Variants in MMD2 observed in about 807,000 individuals in gnomAD.
The protein encoded by MMD2 is monocyte to macrophage differentiation associated 2, also known as monocyte to macrophage differentiation factor 2.
A neutral mutation model predicts 33.5 loss-of-function variants in MMD2; 30 were observed. The ratio of observed to expected loss-of-function variants is 0.90; its 90% CI spans 0.67 to 1.22. The LOEUF (loss-of-function observed/expected upper bound fraction) is 1.22, where lower values mean the gene tolerates loss of function less well. Ranked by LOEUF, MMD2 falls within the 50% of genes most tolerant of loss-of-function variation. The probability of loss-of-function intolerance (pLI) is 0.00; values close to 1 mark genes in which losing one functional copy is unlikely to be tolerated. For missense variants in MMD2, 364 were observed against 325.4 expected (o/e 1.12, Z -0.91); for synonymous variants, 129 against 123.0 (o/e 1.05, Z -0.32).
chr7:4,941,339 GAC>G (rs1246324367), intron 1 of MMD2, among the ~76,000 whole-genome samples: 1 of 152,158 alleles, frequency 6.6e-6, no homozygotes, highest in Non-Finnish European at 1.5e-5. Context: ...GCAGAAAAAG[GAC>G]ACTTCTGACC....
chr7:4,932,649 GTTTTGC>G (rs1168447912), intron 1 of MMD2, among the ~76,000 whole-genome samples: 47 of 147,630 alleles, frequency 3.2e-4, no homozygotes, highest in African/African-American at 1.1e-3. Flanking sequence ...TTGAGAAGGA[GTTTTGC>G]TCTGTCGCCC....
intron 6 of MMD2, among the ~76,000 whole-genome samples, chr7:4,908,017 C>G (rs1784907051): frequency 6.6e-6 from 1 of 151,874 alleles, no homozygotes; most frequent in Non-Finnish European, 1.5e-5. Flanking sequence ...ACTATATTGC[C>G]CAGGCTGGTC....
At position 4,906,426 on chromosome 7, in the gene MMD2, G is replaced by C. The variant is rs576662854; in HGVS notation, c.*970C>G. The C allele has an allele frequency of 1.8e-5, 7 of 398,596 alleles. No homozygotes were observed. The highest frequency in any genetic ancestry group is 6.2e-5 in the African/African-American group (3 of 48,756). The allele number at this position is 398,596 out of a possible 1,614,324, so 24.7% of individuals were successfully genotyped here. A position where few individuals can be genotyped will look rare whatever the true frequency, so the allele number is the denominator to read the frequency against. ...TAACAGCCACTGATTGGCACCAAGA[G>C]AGAATCCAAATGTTGGCATCACAAA... On this transcript the variant is annotated 3_prime_UTR_variant, in exon 7 of 7. Transcript: ENST00000401401.
At chr7:4,911,402 C>T (rs1337546960) in intron 4 of MMD2, among the ~76,000 whole-genome samples, 156 bp from the exon 5 acceptor site, 2 of 152,108 alleles carry the variant, frequency 1.3e-5, no homozygotes, top group Non-Finnish European at 2.9e-5. Flanking sequence ...GACGGGTGAA[C>T]AGGCAGAAAG....
At position 4,945,227 on chromosome 7, in the gene MMD2, C is replaced by CTTCTTCTTCTTCT. The variant is rs1325145697; in HGVS notation, c.47+13743_47+13744insAGAAGAAGAAGAA. The stretch of plus-strand genomic sequence containing the variant: ...TCTTCTTCTTCTTCTTCTTCTTCTT[C>CTTCTTCTTCTTCT]TTCTTCTTCTTCCTCTCTCTCTTTC... On this transcript the variant is annotated intron_variant, in intron 1 of 6. Coordinates refer to ENST00000401401, the MANE Select transcript of MMD2 (RefSeq NM_198403.4). Among the ~76,000 whole-genome samples the CTTCTTCTTCTTCT allele has an allele frequency of 4.1e-5, 6 of 144,598 alleles. No homozygotes were observed. The Admixed American group carries it at 4.3e-4, about 10-fold the overall frequency. The allele number at this position is 144,598 out of a possible 152,430, so 94.9% of individuals were successfully genotyped here. A position where few individuals can be genotyped will look rare whatever the true frequency, so the allele number is the denominator to read the frequency against.
In MMD2 at chr7:4,946,122, C is replaced by G. The variant is rs969190475; in HGVS notation, c.47+12849G>C. Among the ~76,000 whole-genome samples, 1 of 151,634 alleles carries G rather than the reference C, an allele frequency of 6.6e-6. No individual in the cohort carries two copies. The highest frequency in any genetic ancestry group is 1.5e-5 in the Non-Finnish European group (1 of 67,870). On this transcript the variant is annotated intron_variant, in intron 1 of 6. Transcript: ENST00000401401. This position sits in a 1 kb window ranked among gnomAD's most constrained non-coding sequence, Gnocchi z 5.0. ...ACGCATGCACACGCGCACACGCACG[C>G]ACACACCTGCACACGCACGCACACC... is the stretch of plus-strand genomic sequence containing the variant.
chr7:4,957,406 T>TG (rs1483076746), intron 1 of MMD2, among the ~76,000 whole-genome samples: 1 of 151,454 alleles, frequency 6.6e-6, no homozygotes, highest in Non-Finnish European at 1.5e-5. Context: ...CCCAGCACTT[T>TG]GGGAGGCCGA....
chr7:4,951,048 G>A (rs1786228811), intron 1 of MMD2, among the ~76,000 whole-genome samples: 1 of 151,974 alleles, frequency 6.6e-6, no homozygotes, highest in Admixed American at 6.6e-5. Context: ...GCATAAGAGA[G>A]TGCCCTGAAG....
chr7:4,931,253 C>G (rs1249157390), intron 1 of MMD2, among the ~76,000 whole-genome samples: 1 of 152,168 alleles, frequency 6.6e-6, no homozygotes, highest in Admixed American at 6.6e-5. Flanking sequence ...TCGAGCAATC[C>G]TCCCACCTCA....
chr7:4,946,078 CGCACACGCACGCACACACACGCAT>C lies in MMD2; in HGVS notation c.47+12869_47+12892del, dbSNP rs2115151016. Among the ~76,000 whole-genome samples the C allele has an allele frequency of 6.6e-6, 1 of 151,778 alleles. No homozygotes were observed. The highest frequency in any genetic ancestry group is 2.1e-4 in the South Asian group (1 of 4,800). Reference sequence around the variant, plus strand: ...GGCAAAATGCACACACTCACACGCACGCACACGCACGCACACACACGCATGCACACGCGCACACGCACGCACACA... The same window carrying C: ...GGCAAAATGCACACACTCACACGCACGCACACGCGCACACGCACGCACACA... On this transcript the variant is annotated intron_variant, in intron 1 of 6. Coordinates refer to ENST00000401401, the MANE Select transcript of MMD2 (RefSeq NM_198403.4). This position sits in a 1 kb window ranked among gnomAD's most constrained non-coding sequence, Gnocchi z 5.0.
chr7:4,947,194 C>T (rs1786111614), intron 1 of MMD2, among the ~76,000 whole-genome samples: 1 of 151,768 alleles, frequency 6.6e-6, no homozygotes, highest in Non-Finnish European at 1.5e-5. Context: ...GGTGACAGAG[C>T]AAGACTCCGT....
chr7:4,908,896 C>CAA (rs765437583), intron 6 of MMD2, among the ~76,000 whole-genome samples: 5 of 75,656 alleles, frequency 6.6e-5, no homozygotes, highest in African/African-American at 1.8e-4. Context: ...GACTCCATCT[C>CAA]AAAAAAAAAA....
intron 1 of MMD2, among the ~76,000 whole-genome samples, chr7:4,954,187 G>A (rs1343483017): frequency 6.6e-6 from 1 of 152,146 alleles, no homozygotes; most frequent in Non-Finnish European, 1.5e-5. Flanking sequence ...GCATTGTCTT[G>A]GTTACCACTG....
intron 1 of MMD2, 91 bp downstream of exon 1, chr7:4,958,880 G>C (rs1476599969): frequency 8.8e-7 from 1 of 1,132,858 alleles, no homozygotes; most frequent in Non-Finnish European, 1.1e-6. Flanking sequence ...CGCTCCGGGC[G>C]GCGGGGCCCG....
chr7:4,906,674 T>G lies in MMD2; in HGVS notation c.*722A>C. On this transcript the variant is annotated 3_prime_UTR_variant, in exon 7 of 7. Transcript: ENST00000401401. ...CCTCTACCGCCCCCAAACTGCCTACTCCAGGAGTTTCCCAAAAGGGAGGGG... is the reference window on the plus strand; with the variant it reads ...CCTCTACCGCCCCCAAACTGCCTACGCCAGGAGTTTCCCAAAAGGGAGGGG... 1 of 397,342 alleles carries G rather than the reference T, an allele frequency of 2.5e-6. No homozygotes were observed. The highest frequency in any genetic ancestry group is 4.4e-6 in the Non-Finnish European group (1 of 225,646). The allele number at this position is 397,342 out of a possible 1,614,324, so 24.6% of individuals were successfully genotyped here. A position where few individuals can be genotyped will look rare whatever the true frequency, so the allele number is the denominator to read the frequency against.
the MMD2 span, among the ~76,000 whole-genome samples, chr7:4,893,584 G>A: frequency 1.3e-5 from 2 of 151,622 alleles, no homozygotes; most frequent in Non-Finnish European, 2.9e-5. Flanking sequence ...TACAGACATG[G>A]TTTTGCCACG....
rs1011493488 is a variant in MMD2 at position 4,906,593 on chromosome 7, A to G, written c.*803T>C. ...CATCCTCATTCCCAACTCTACTGAGAATCAACTACGGTGGAACAGAACATC... is the reference window on the plus strand; with the variant it reads ...CATCCTCATTCCCAACTCTACTGAGGATCAACTACGGTGGAACAGAACATC... On this transcript the variant is annotated 3_prime_UTR_variant, in exon 7 of 7. Transcript: ENST00000401401. The G allele has an allele frequency of 4.8e-5, 19 of 398,470 alleles. No individual in the cohort carries two copies. Among genetic ancestry groups the G allele is most frequent in the Non-Finnish European group, 7.5e-5 (17 of 226,066 alleles). The allele number at this position is 398,470 out of a possible 1,614,324, so 24.7% of individuals were successfully genotyped here. A position where few individuals can be genotyped will look rare whatever the true frequency, so the allele number is the denominator to read the frequency against.
chr7:4,954,721 A>G (rs867278432), intron 1 of MMD2, among the ~76,000 whole-genome samples: 4 of 152,274 alleles, frequency 2.6e-5, no homozygotes, highest in Middle Eastern at 3.4e-3. Flanking sequence ...GCCCGGCTGC[A>G]ACTTAATTTT....
chr7:4,892,782 C>A, the MMD2 span, among the ~76,000 whole-genome samples: 1 of 151,690 alleles, frequency 6.6e-6, no homozygotes. Context: ...GTGGTGTGAT[C>A]TTGGCTCACT....
Sources: allele counts gnomAD v4.1 joint callset (sites outside exome capture counted in the v4.1 genomes callset), GRCh38; gene constraint gnomAD v4.1.1; non-coding constraint Gnocchi (gnomAD v3.1); transcripts MANE v1.5; gene names NCBI Gene and HGNC (gene_info 2026-07-23, HGNC 2026-07-21).